The following AKAP13 variants were observed in gnomAD, a reference collection of about 807,000 sequenced individuals.
AKAP13 encodes the protein A-kinase anchor protein 13.
In AKAP13, 80 loss-of-function variants were observed where a neutral mutation model predicts 264.5. The ratio of observed to expected loss-of-function variants is 0.30; its 90% CI spans 0.25 to 0.36. The LOEUF is 0.36. AKAP13 is among the 10% of genes least tolerant of loss of function. The pLI, the probability that AKAP13 is intolerant of heterozygous loss-of-function variation, is 1.00. For missense variants in AKAP13, 3,712 were observed against 3,435.2 expected (o/e 1.08, Z -2.01); for synonymous variants, 1,380 against 1,250.2 (o/e 1.10, Z -2.19).
At position 85,450,304 on chromosome 15, in the gene AKAP13, C is replaced by G. The variant is rs539714794; in HGVS notation, c.-11-35406C>G. On this transcript the variant is annotated intron_variant, in intron 1 of 36. Coordinates refer to ENST00000394518, the MANE Select transcript of AKAP13 (RefSeq NM_007200.5). ...CTAATTGTGTTTATTTGGATCTTCT[C>G]TCTTTTCTTCTTAATTAGTTTAGCG... 3.3e-5 allele frequency among the ~76,000 whole-genome samples: 5 copies of G among 152,092 alleles called. No homozygotes were observed. The East Asian group carries it at 9.6e-4, about 29-fold the overall frequency.
intron 5 of AKAP13, among the ~76,000 whole-genome samples, chr15:85,551,588 T>C (rs1350866484): frequency 6.6e-6 from 1 of 152,228 alleles, no homozygotes; most frequent in African/African-American, 2.4e-5. Context: ...TGTGTTTCTA[T>C]AAACTTCTTT....
At chr15:85,413,966 C>G (rs2072108492) in intron 1 of AKAP13, among the ~76,000 whole-genome samples, 1 of 152,116 alleles carries the variant, frequency 6.6e-6, no homozygotes, top group Non-Finnish European at 1.5e-5. Context: ...CTTTTTTATA[C>G]TCATTCAACT....
chr15:85,686,099 G>A (rs1464292796), intron 16 of AKAP13, among the ~76,000 whole-genome samples: 4 of 151,472 alleles, frequency 2.6e-5, no homozygotes, highest in African/African-American at 9.7e-5. Flanking sequence ...AAAGACATAA[G>A]TAAATAAAAA....
intron 1 of AKAP13, among the ~76,000 whole-genome samples, chr15:85,398,905 T>G (rs1210734712): frequency 6.6e-6 from 1 of 152,208 alleles, no homozygotes; most frequent in Non-Finnish European, 1.5e-5. Context: ...TTCAGTTCAT[T>G]TCCTATTATT....
chr15:85,525,279 C>T (rs1403211009), intron 3 of AKAP13, among the ~76,000 whole-genome samples: 8 of 151,994 alleles, frequency 5.3e-5, no homozygotes, highest in Admixed American at 4.6e-4. Context: ...AGGATGGTCT[C>T]GATCTCCTGA....
chr15:85,660,476 A>AAAGG (rs973146356), intron 12 of AKAP13, among the ~76,000 whole-genome samples: 2 of 152,024 alleles, frequency 1.3e-5, no homozygotes, highest in African/African-American at 4.8e-5. Flanking sequence ...TCCTGGAAGT[A>AAAGG]AAGGAACATT....
At chr15:85,685,552 A>G (rs1337060321) in intron 16 of AKAP13, 1 of 152,122 alleles carries the variant, frequency 6.6e-6, no homozygotes, top group Admixed American at 6.6e-5. Context: ...TGGCGTGACC[A>G]TAGCTCACTG....
At position 85,424,148 on chromosome 15, in the gene AKAP13, A is replaced by G. The variant is rs775301581; in HGVS notation, c.-12+43350A>G. Among the ~76,000 whole-genome samples the G allele has an allele frequency of 2.3e-4, 35 of 152,220 alleles. 1 individual carries two copies. The highest frequency in any genetic ancestry group is 6.5e-5 in the Admixed American group (1 of 15,280). On this transcript the variant is annotated intron_variant, in intron 1 of 36. Coordinates refer to ENST00000394518, the MANE Select transcript of AKAP13 (RefSeq NM_007200.5). ...AAGTCATCAGCTGCATTAGCCCCTA[A>G]CAAGAGAGTCAGCTTGTCCTTTGAG... is the stretch of plus-strand genomic sequence containing the variant.
chr15:85,412,461 G>A (rs2072019624), intron 1 of AKAP13, among the ~76,000 whole-genome samples: 1 of 152,138 alleles, frequency 6.6e-6, no homozygotes, highest in Non-Finnish European at 1.5e-5. Flanking sequence ...ATGTAAAACA[G>A]TGCCACGTTC....
chr15:85,715,112 C>G (rs540137296), intron 19 of AKAP13, among the ~76,000 whole-genome samples: 2 of 152,042 alleles, frequency 1.3e-5, no homozygotes, highest in Non-Finnish European at 2.9e-5. Context: ...TCCTGGAGTT[C>G]GCTTGTTAAA....
At chr15:85,710,744 A>G (rs1284372556) in intron 19 of AKAP13, 99 bp downstream of exon 19, 2 of 1,310,672 alleles carry the variant, frequency 1.5e-6, no homozygotes, top group Admixed American at 4.5e-5. Flanking sequence ...TAGTCAAGAT[A>G]TGAATACCTA....
At chr15:85,622,496 G>A (rs2081239312) in intron 8 of AKAP13, among the ~76,000 whole-genome samples, 1 of 152,208 alleles carries the variant, frequency 6.6e-6, no homozygotes, top group Non-Finnish European at 1.5e-5. Flanking sequence ...ACCTGGAAGA[G>A]CAGGGCCTTA....
At chr15:85,470,672 T>G (rs1184085605) in intron 1 of AKAP13, among the ~76,000 whole-genome samples, 1 of 152,216 alleles carries the variant, frequency 6.6e-6, no homozygotes, top group Non-Finnish European at 1.5e-5. Context: ...ATTTTGTAAC[T>G]TTATAATAAA....
At chr15:85,699,415 G>C (rs1675839372) in intron 17 of AKAP13, among the ~76,000 whole-genome samples, 1 of 151,490 alleles carries the variant, frequency 6.6e-6, no homozygotes, top group African/African-American at 2.4e-5. Flanking sequence ...CCGCACTTTA[G>C]CGTGCGCAAC....
chr15:85,650,495 C>T (rs893121193), intron 10 of AKAP13, among the ~76,000 whole-genome samples: 8 of 151,768 alleles, frequency 5.3e-5, no homozygotes, highest in African/African-American at 1.4e-4. Context: ...TGCGGCTGGG[C>T]GTGGTGGCTC....
intron 8 of AKAP13, among the ~76,000 whole-genome samples, chr15:85,624,039 G>T (rs181600825): frequency 6.6e-6 from 1 of 152,192 alleles, no homozygotes; most frequent in South Asian, 2.1e-4. Context: ...CATTACTAGA[G>T]GACAGCAGGT....
intron 2 of AKAP13, among the ~76,000 whole-genome samples, chr15:85,506,684 A>G (rs2076233938): frequency 6.6e-6 from 1 of 152,194 alleles, no homozygotes; most frequent in Admixed American, 6.5e-5. Context: ...CCTCACTGCT[A>G]AGGGGACATA....
At chr15:85,384,265 T>C (rs1468398438) in intron 1 of AKAP13, among the ~76,000 whole-genome samples, 1 of 152,228 alleles carries the variant, frequency 6.6e-6, no homozygotes, top group African/African-American at 2.4e-5. Context: ...ACTTTTGATG[T>C]TCCCTTCTTT....
intron 5 of AKAP13, among the ~76,000 whole-genome samples, chr15:85,571,620 G>A (rs2078820808): frequency 6.6e-6 from 1 of 152,192 alleles, no homozygotes; most frequent in African/African-American, 2.4e-5. Context: ...CTTCATTCCT[G>A]CTTTAATCTC....
Sources: allele counts gnomAD v4.1 joint callset (sites outside exome capture counted in the v4.1 genomes callset), GRCh38; gene constraint gnomAD v4.1.1; transcripts MANE v1.5; gene names NCBI Gene and HGNC (gene_info 2026-07-23, HGNC 2026-07-21).